The following IL1RAPL1 variants were observed in gnomAD, a reference collection of about 807,000 sequenced individuals.
IL1RAPL1 encodes the protein interleukin-1 receptor accessory protein-like 1.
In IL1RAPL1, 3 loss-of-function variants were observed where a neutral mutation model predicts 48.4. That is an observed-to-expected ratio of 0.06 (90% CI 0.03 to 0.16). The LOEUF (loss-of-function observed/expected upper bound fraction) is 0.16, where lower values mean the gene tolerates loss of function less well. Ranked by LOEUF, IL1RAPL1 falls within the 10% of genes least tolerant of loss-of-function variation. The pLI is 1.00. For synonymous variants in IL1RAPL1, 185 were observed against 187.7 expected (o/e 0.99, Z 0.12); for missense variants, 349 against 530.6 (o/e 0.66, Z 3.36).
chrX:29,113,063 G>A (rs923562389), intron 2 of IL1RAPL1, among the ~76,000 whole-genome samples: 5 of 110,994 alleles, frequency 4.5e-5, no homozygotes, highest in South Asian at 3.8e-4. Context: ...CTCCCACCTC[G>A]GCCTCCCAAA....
At chrX:28,768,800 A>T (rs1936278929) in intron 1 of IL1RAPL1, among the ~76,000 whole-genome samples, 1 of 67,643 alleles carries the variant, frequency 1.5e-5, no homozygotes, top group African/African-American at 6.0e-5. Context: ...ATATATACAG[A>T]CATTATATAT....
chrX:29,429,680 T>A (rs1007959751), intron 5 of IL1RAPL1, among the ~76,000 whole-genome samples: 4 of 110,983 alleles, frequency 3.6e-5, no homozygotes, highest in African/African-American at 1.3e-4. Flanking sequence ...AGTGAGTTAC[T>A]TTTTCTTTCT....
intron 6 of IL1RAPL1, among the ~76,000 whole-genome samples, chrX:29,858,245 A>G (rs2147202270): frequency 8.9e-6 from 1 of 111,957 alleles, no homozygotes; most frequent in African/African-American, 3.2e-5. Flanking sequence ...GTATGGATCA[A>G]TACAGCACAC....
At chrX:29,917,675 T>A (rs1199699677) in intron 7 of IL1RAPL1, 79 bp downstream of exon 7, 3 of 761,629 alleles carry the variant, frequency 3.9e-6, no homozygotes, top group Non-Finnish European at 5.7e-6. Flanking sequence ...GCTGAAAGGA[T>A]TTTTTTTTGT....
chrX:28,887,891 A>G (rs748887963), intron 2 of IL1RAPL1, among the ~76,000 whole-genome samples: 5 of 111,694 alleles, frequency 4.5e-5, no homozygotes, highest in African/African-American at 9.7e-5. Flanking sequence ...ATTATGATTA[A>G]TTTCAGATTT....
intron 6 of IL1RAPL1, among the ~76,000 whole-genome samples, chrX:29,869,110 G>A (rs1432496428): frequency 8.9e-6 from 1 of 112,255 alleles, no homozygotes; most frequent in Non-Finnish European, 1.9e-5. Context: ...ACACACAAGA[G>A]TTTATATCTC....
intron 3 of IL1RAPL1, among the ~76,000 whole-genome samples, chrX:29,333,478 G>A (rs1366277000): frequency 7.0e-5 from 6 of 85,367 alleles, no homozygotes; most frequent in Admixed American, 1.2e-4. Flanking sequence ...CAGTAGGGGC[G>A]GCCGGGCAGA....
intron 2 of IL1RAPL1, among the ~76,000 whole-genome samples, chrX:29,083,515 A>G (rs1046735933): frequency 1.8e-5 from 2 of 111,708 alleles, no homozygotes; most frequent in African/African-American, 6.5e-5. Context: ...AAGGGTCAGA[A>G]GTTTGCTTCT....
intron 1 of IL1RAPL1, among the ~76,000 whole-genome samples, chrX:28,765,123 A>G (rs1336464265): frequency 2.1e-5 from 2 of 96,324 alleles, no homozygotes; most frequent in South Asian, 6.3e-4. Context: ...TGGACACAGG[A>G]AGGGGAACAT....
chrX:29,411,575 C>T (rs761842727), intron 5 of IL1RAPL1, among the ~76,000 whole-genome samples: 49 of 111,488 alleles, frequency 4.4e-4, no homozygotes, highest in African/African-American at 1.5e-3. Context: ...TGTAATCCAA[C>T]GGATTGCTTG....
chrX:29,361,248 T>A (rs1156790708), intron 3 of IL1RAPL1, among the ~76,000 whole-genome samples: 1 of 111,313 alleles, frequency 9.0e-6, no homozygotes, highest in African/African-American at 3.3e-5. Flanking sequence ...ACCTTAGATA[T>A]GTTAGCAGGT....
At chrX:28,601,361 G>T (rs1212983978) in intron 1 of IL1RAPL1, among the ~76,000 whole-genome samples, 1 of 111,582 alleles carries the variant, frequency 9.0e-6, no homozygotes, top group African/African-American at 3.3e-5. Flanking sequence ...GGAGGCAGAG[G>T]TTGCAGTGAG....
chrX:29,514,880 G>A (rs2340368), intron 5 of IL1RAPL1, among the ~76,000 whole-genome samples: 51,243 of 111,212 alleles, frequency 0.46, 8,494 homozygotes, highest in East Asian at 0.7. Flanking sequence ...AAGTTGTTGA[G>A]CTTAACTGAA....
chrX:29,060,756 T>C (rs1418800639), intron 2 of IL1RAPL1, among the ~76,000 whole-genome samples: 1 of 111,919 alleles, frequency 8.9e-6, no homozygotes, highest in Non-Finnish European at 1.9e-5. Flanking sequence ...AATGTTAAAA[T>C]ATTTCAAATA....
At chrX:29,945,678 T>C (rs1042398001) in intron 9 of IL1RAPL1, among the ~76,000 whole-genome samples, 3 of 111,875 alleles carry the variant, frequency 2.7e-5, no homozygotes, top group African/African-American at 6.5e-5. Flanking sequence ...AATTCCAAGA[T>C]ATACAGCCAT....
intron 6 of IL1RAPL1, among the ~76,000 whole-genome samples, chrX:29,855,272 C>A (rs1306377140): frequency 8.9e-6 from 1 of 112,126 alleles, no homozygotes; most frequent in Non-Finnish European, 1.9e-5. Context: ...TGGTAGGCAT[C>A]TACTGGAATT....
intron 5 of IL1RAPL1, among the ~76,000 whole-genome samples, chrX:29,540,984 G>A (rs1439086112): frequency 4.5e-5 from 5 of 112,001 alleles, no homozygotes; most frequent in African/African-American, 1.6e-4. Context: ...TGTCAGCAGA[G>A]TAAACAGACA....
chrX:29,186,867 T>C (rs1602102323), intron 2 of IL1RAPL1, among the ~76,000 whole-genome samples: 1 of 111,478 alleles, frequency 9.0e-6, no homozygotes, highest in East Asian at 2.8e-4. Flanking sequence ...TTGAAATTTT[T>C]TCTGCAGAAA....
chrX:29,885,043 C>G (rs1433778126), intron 6 of IL1RAPL1, among the ~76,000 whole-genome samples: 1 of 111,435 alleles, frequency 9.0e-6, no homozygotes, highest in Non-Finnish European at 1.9e-5. Context: ...TCTTCATCCC[C>G]CCGTCTTAGC....
Sources: allele counts gnomAD v4.1 joint callset (sites outside exome capture counted in the v4.1 genomes callset), GRCh38; gene constraint gnomAD v4.1.1; transcripts MANE v1.5; gene names NCBI Gene and HGNC (gene_info 2026-07-23, HGNC 2026-07-21).